SYNE2: variants seen among roughly 807,000 people sequenced by gnomAD.
The protein encoded by SYNE2 is spectrin repeat containing nuclear envelope protein 2, also known as nesprin-2.
In SYNE2, 431 loss-of-function variants were observed where a neutral mutation model predicts 856.3. The observed-to-expected ratio is 0.50, with a 90% CI of 0.47 to 0.55. SYNE2 has a LOEUF of 0.55. Among genes scored for constraint, SYNE2 ranks in the 20% least tolerant of loss-of-function variants. The pLI is 0.00. For missense variants in SYNE2, 8,129 were observed against 8,023.2 expected, an observed-to-expected ratio of 1.01 and a Z score of -0.50; for synonymous variants, 2,923 against 2,872.3, an observed-to-expected ratio of 1.02 and a Z score of -0.56.
chr14:63,858,834 A>G (rs1267323734), intron 1 of SYNE2, among the ~76,000 whole-genome samples: 1 of 152,172 alleles, frequency 6.6e-6, no homozygotes, highest in Non-Finnish European at 1.5e-5. Flanking sequence ...CTTAATTTTG[A>G]TGAAGTACAA....
At chr14:63,920,118 A>G (rs1225189766) in intron 2 of SYNE2, among the ~76,000 whole-genome samples, 2 of 152,074 alleles carry the variant, frequency 1.3e-5, no homozygotes, top group East Asian at 1.9e-4. Flanking sequence ...CTTACTGTGT[A>G]TAAGGACTGT....
intron 66 of SYNE2, 100 bp downstream of exon 66, chr14:64,113,671 A>T (rs910370250): frequency 7.9e-7 from 1 of 1,258,814 alleles, no homozygotes; most frequent in Non-Finnish European, 1.1e-6. Flanking sequence ...TCTTTCTGTT[A>T]CTCTGACCCT....
intron 8 of SYNE2, among the ~76,000 whole-genome samples, chr14:63,959,293 T>C (rs1288492778): frequency 2.6e-4 from 35 of 132,996 alleles, no homozygotes; most frequent in African/African-American, 8.4e-4. Context: ...TCTTCTTTTT[T>C]TTTTTTTTTT....
chr14:64,100,224 G>A (rs902819873), intron 63 of SYNE2: 6 of 151,868 alleles, frequency 4.0e-5, no homozygotes, highest in East Asian at 1.9e-4. Context: ...GTAAACTATC[G>A]CAAGAACAAA....
At chr14:63,972,372 A>G (rs1404123715) in intron 11 of SYNE2, among the ~76,000 whole-genome samples, 1 of 152,224 alleles carries the variant, frequency 6.6e-6, no homozygotes, top group Non-Finnish European at 1.5e-5. Flanking sequence ...TACAAGATTA[A>G]GTACTGTAAA....
intron 6 of SYNE2, among the ~76,000 whole-genome samples, chr14:63,947,014 T>C (rs2096044334): frequency 6.6e-6 from 1 of 152,084 alleles, no homozygotes; most frequent in South Asian, 2.1e-4. Context: ...CATGTCTAGC[T>C]AATTTTTGTG....
Position 64,165,344 on chromosome 14 carries a change from T to C in SYNE2, c.16539T>C (p.Ile5513=). Residue 5513 remains isoleucine, a synonymous_variant, in exon 90 of 116, where the codon ATT becomes ATC. Coordinates refer to ENST00000555002, the MANE Select transcript of SYNE2 (RefSeq NM_182914.3). The part of the protein sequence containing the change: ...GVRLESLKGL[I]MHEEENLDRL... ...GGCTGGAATCTTTAAAAGGTCTTAT[T>C]ATGCATGAAGAAGAGAATTTGGATA... 6.2e-7 allele frequency: 1 copy of C among 1,613,892 alleles called. No individual in the cohort carries two copies. The highest frequency in any genetic ancestry group is 8.5e-7 in the Non-Finnish European group (1 of 1,179,826).
intron 84 of SYNE2, 143 bp downstream of exon 84, chr14:64,146,366 T>C: frequency 1.3e-6 from 1 of 747,402 alleles, no homozygotes; most frequent in Non-Finnish European, 2.0e-6. Flanking sequence ...GTCAATTAGA[T>C]AATGACCCAT....
At chr14:63,793,412 T>G (rs911127542) in intron 1 of SYNE2, among the ~76,000 whole-genome samples, 1 of 152,168 alleles carries the variant, frequency 6.6e-6, no homozygotes, top group East Asian at 1.9e-4. Context: ...AAGGTGCACC[T>G]CAAAAGAGCA....
At chr14:64,209,025 T>TA in intron 101 of SYNE2, 80 bp downstream of exon 101, 1 of 1,511,652 alleles carries the variant, frequency 6.6e-7, no homozygotes. Context: ...TCACAGTAAC[T>TA]ATTCTGTTCA....
chr14:63,816,919 AT>A (rs1210983375), intron 1 of SYNE2, among the ~76,000 whole-genome samples: 2 of 151,984 alleles, frequency 1.3e-5, no homozygotes, highest in African/African-American at 4.8e-5. Context: ...GGGTCTTGCT[AT>A]ATTGGCTAGG....
intron 11 of SYNE2, among the ~76,000 whole-genome samples, chr14:63,974,882 GTGTGTGTGTGTATATATATA>G (rs2096525318): frequency 3.7e-5 from 1 of 27,140 alleles, no homozygotes; most frequent in East Asian, 1.4e-3. Context: ...GTGTGTGTGT[GTGTGTGTGTGTATATATATA>G]TATATATATA....
At chr14:64,155,287 CATAT>C (rs35492086) in intron 85 of SYNE2, among the ~76,000 whole-genome samples, 1 of 151,072 alleles carries the variant, frequency 6.6e-6, no homozygotes, top group South Asian at 2.1e-4. Context: ...GTAGTACATA[CATAT>C]ATATATATAT....
rs759006935 is a variant in SYNE2 at position 64,031,210 on chromosome 14, C to T, written c.7074C>T (p.Asn2358=). 6.8e-6 allele frequency: 11 copies of T among 1,614,140 alleles called. No homozygotes were observed. The highest frequency in any genetic ancestry group is 2.2e-5 in the East Asian group (1 of 44,876). The stretch of plus-strand genomic sequence containing the variant: ...AGCAGGAGATGGAATGTTGTCTCAA[C>T]AGCATTCTCAAATCAAAACGCTCAA... The part of the protein sequence containing the change: ...SAKQEMECCL[N]SILKSKRSTE... The change falls in exon 45 of 116, where the codon AAC becomes AAT. Residue 2358 remains asparagine (N), a synonymous_variant. Transcript: ENST00000555002.
At position 64,122,000 on chromosome 14, in the gene SYNE2, A is replaced by G; in HGVS notation, c.13159-12A>G. ...TGATGGATTGGACCATTTGAATCTC[A>G]TTCAATTACAGGTTCTGGAGTTAAA... is the stretch of plus-strand genomic sequence containing the variant. On this transcript the variant is annotated splice_polypyrimidine_tract_variant and intron_variant, in intron 68 of 115. Coordinates refer to ENST00000555002, the MANE Select transcript of SYNE2 (RefSeq NM_182914.3). 1 of 1,613,028 alleles carries G rather than the reference A, an allele frequency of 6.2e-7. No individual in the cohort carries two copies. Among genetic ancestry groups the G allele is most frequent in the South Asian group, 1.1e-5 (1 of 91,072 alleles).
At position 64,202,259 on chromosome 14, in the gene SYNE2, T is replaced by G. The variant is rs1172755056; in HGVS notation, c.18039-542T>G. ...ATACGGCTGGGTGAACCCCTCATAC[T>G]GAAGCGGTAGGGCTTGGCACATGTT... On this transcript the variant is annotated intron_variant, in intron 99 of 115. Transcript: ENST00000555002. 3 of 702,364 alleles carry G rather than the reference T, an allele frequency of 4.3e-6. No individual in the cohort carries two copies. The South Asian group carries it at 4.4e-5, about 10-fold the overall frequency. The allele number at this position is 702,364 out of a possible 1,614,324, so 43.5% of individuals were successfully genotyped here.
chr14:64,177,184 G>A (rs571712149), intron 95 of SYNE2, among the ~76,000 whole-genome samples, 174 bp from the exon 96 acceptor site: 1 of 152,332 alleles, frequency 6.6e-6, no homozygotes, highest in African/African-American at 2.4e-5. Context: ...TCATATTGGT[G>A]TTCCTTCTGC....
rs927555080 is a variant in SYNE2 at position 64,173,961 on chromosome 14, G to A, written c.17236-983G>A. On this transcript the variant is annotated intron_variant, in intron 94 of 115. Coordinates refer to ENST00000555002, the MANE Select transcript of SYNE2 (RefSeq NM_182914.3). ...AAAAACAGGACCTTCGCTACTCTCT[G>A]CACACTGCCTGCGGAGCGGCCCTGC... The A allele has an allele frequency of 1.6e-5, 11 of 695,804 alleles. No individual in the cohort carries two copies. In the African/African-American group the frequency reaches 1.8e-4, roughly 11 times the overall value. 43.1% of individuals were successfully genotyped at this position (695,804 alleles called of 1,614,324 possible).
At chr14:63,868,952 T>A (rs1365911658) in intron 1 of SYNE2, among the ~76,000 whole-genome samples, 2 of 152,222 alleles carry the variant, frequency 1.3e-5, no homozygotes, top group African/African-American at 4.8e-5. Context: ...ATTAAGTTTT[T>A]ACCCACTCCA....
Sources: allele counts gnomAD v4.1 joint callset (sites outside exome capture counted in the v4.1 genomes callset), GRCh38; gene constraint gnomAD v4.1.1; transcripts MANE v1.5; gene names NCBI Gene and HGNC (gene_info 2026-07-23, HGNC 2026-07-21).